The following WFDC8 variants were observed in gnomAD, a reference collection of about 807,000 sequenced individuals.
The protein encoded by WFDC8 is WAP four-disulfide core domain protein 8.
WFDC8 carries 24 observed loss-of-function variants against 27.0 expected under a neutral mutation model. The ratio of observed to expected loss-of-function variants is 0.89; its 90% CI spans 0.64 to 1.25. WFDC8 has a LOEUF of 1.25. Ranked by LOEUF, WFDC8 falls within the 50% of genes most tolerant of loss-of-function variation. The pLI is 0.00. For synonymous variants in WFDC8, 106 were observed against 99.7 expected (o/e 1.06, Z -0.38); for missense variants, 287 against 295.9 (o/e 0.97, Z 0.22).
At chr20:45,564,968 A>G (rs375816512) in intron 1 of WFDC8, among the ~76,000 whole-genome samples, 3 of 75,184 alleles carry the variant, frequency 4.0e-5, no homozygotes, top group Non-Finnish European at 1.0e-4. Flanking sequence ...AAGGAAGGAA[A>G]GAAAGACAAA....
Position 45,579,209 on chromosome 20 carries a change from ACACCCTCCT to A in WFDC8, c.26+4_26+12del. 3.7e-6 allele frequency: 6 copies of A among 1,613,268 alleles called. No individual in the cohort carries two copies. The highest frequency in any genetic ancestry group is 5.1e-6 in the Non-Finnish European group (6 of 1,179,782). On this transcript the variant is annotated splice_donor_5th_base_variant and intron_variant, in intron 1 of 5. Transcript: ENST00000289953. ...CATGTCTGGCTACCCACCCCCATAG[ACACCCTCCT>A]CACCCTCCTTCAGTTCGGACAGTCC... is the stretch of plus-strand genomic sequence containing the variant.
At position 45,551,914 on chromosome 20, in the gene WFDC8, A is replaced by G; in HGVS notation, c.*112T>C. 4.0e-6 allele frequency: 5 copies of G among 1,261,648 alleles called. No homozygotes were observed. Among genetic ancestry groups the G allele is most frequent in the Non-Finnish European group, 5.5e-6 (5 of 904,598 alleles). 78.2% of individuals were successfully genotyped at this position (1,261,648 alleles called of 1,614,324 possible). On this transcript the variant is annotated 3_prime_UTR_variant, in exon 6 of 6. Transcript: ENST00000289953. ...TATAAAATCAAAGTAACATCATTCA[A>G]TATTGTGATACTTAAGATAATTTGG...
In WFDC8 at chr20:45,573,242, A is replaced by G. The variant is rs529249088; in HGVS notation, c.26+5980T>C. Among the ~76,000 whole-genome samples, 5 of 152,242 alleles carry G rather than the reference A, an allele frequency of 3.3e-5. No individual in the cohort carries two copies. In the East Asian group the frequency reaches 7.7e-4, roughly 24 times the overall value. ...CTATGTTTTCTTCTCAGAGTTTTAT[A>G]GTTTCAGCCATTGCAGTTAGATCTT... On this transcript the variant is annotated intron_variant, in intron 1 of 5. Coordinates refer to ENST00000289953, the MANE Select transcript of WFDC8 (RefSeq NM_130896.3).
rs144470212 is a variant in WFDC8 at position 45,565,021 on chromosome 20, A to AAAGAAAGAAAGGAAGG, written c.27-2803_27-2802insCCTTCCTTTCTTTCTT. On this transcript the variant is annotated intron_variant, in intron 1 of 5. Coordinates refer to ENST00000289953, the MANE Select transcript of WFDC8 (RefSeq NM_130896.3). ...AGGAAAGGAAGAAAGAAAGAGAAAG[A>AAAGAAAGAAAGGAAGG]AAGGAAGGAAGGAAGAAGAAAGGAA... 5.6e-3 allele frequency among the ~76,000 whole-genome samples: 825 copies of AAAGAAAGAAAGGAAGG among 146,628 alleles called. 8 individuals carry two copies. The highest frequency in any genetic ancestry group is 0.019 in the African/African-American group (753 of 39,214).
rs780858429 is a variant in WFDC8 at position 45,555,745 on chromosome 20, T to C, written c.401A>G (p.Asn134Ser). The stretch of plus-strand genomic sequence containing the variant: ...TCTGCAGGCATCCTCATTTAAGAAG[T>C]TGTTGGCATTCCCTTCGCAGCCCCT... ...KYRGCEGNAN[N>S]FLNEDACRTA... Residue 134 changes from asparagine to serine, a missense_variant, in exon 4 of 6, where the codon AAC (asparagine) becomes AGC (serine). By Grantham distance (46) the Asn-to-Ser change is conservative (BLOSUM62 1). Transcript: ENST00000289953. The C allele has an allele frequency of 3.7e-6, 6 of 1,612,934 alleles. No individual in the cohort carries two copies. The East Asian group carries it at 6.7e-5, about 18-fold the overall frequency.
chr20:45,565,080 AAGAG>A (rs1320111526), intron 1 of WFDC8, among the ~76,000 whole-genome samples: 1 of 149,368 alleles, frequency 6.7e-6, no homozygotes, highest in African/African-American at 2.5e-5. Context: ...GAAAGGAAGA[AAGAG>A]AAAGAGGGAG....
intron 1 of WFDC8, among the ~76,000 whole-genome samples, chr20:45,566,802 A>G (rs1980693696): frequency 6.6e-6 from 1 of 152,238 alleles, no homozygotes; most frequent in Non-Finnish European, 1.5e-5. Context: ...AGTTTAAAAT[A>G]CAGTCACCCT....
chr20:45,573,357 A>G (rs1348005182), intron 1 of WFDC8, among the ~76,000 whole-genome samples: 1 of 152,128 alleles, frequency 6.6e-6, no homozygotes, highest in Non-Finnish European at 1.5e-5. Context: ...TTACATGAAT[A>G]GATTGTATAG....
At chr20:45,557,685 G>T (rs1266322040) in intron 3 of WFDC8, among the ~76,000 whole-genome samples, 1 of 152,164 alleles carries the variant, frequency 6.6e-6, no homozygotes, top group Non-Finnish European at 1.5e-5. Context: ...CACCCGCCTT[G>T]GCCTCCCAAA....
At chr20:45,578,160 G>A (rs1016852382) in intron 1 of WFDC8, among the ~76,000 whole-genome samples, 1 of 151,272 alleles carries the variant, frequency 6.6e-6, no homozygotes, top group African/African-American at 2.4e-5. Context: ...TCTGTCATGT[G>A]TCTTCAGACA....
At chr20:45,566,297 ATAAT>A (rs1210530991) in intron 1 of WFDC8, among the ~76,000 whole-genome samples, 7 of 152,318 alleles carry the variant, frequency 4.6e-5, no homozygotes, top group Admixed American at 2.0e-4. Context: ...CTATTGATTA[ATAAT>A]TAAATTAGAT....
chr20:45,561,503 G>T (rs563687647), intron 2 of WFDC8, among the ~76,000 whole-genome samples: 12 of 152,238 alleles, frequency 7.9e-5, no homozygotes, highest in African/African-American at 2.9e-4. Flanking sequence ...AGAATCCAGA[G>T]ATTCACTCCT....
chr20:45,551,979 G>C lies in WFDC8; in HGVS notation c.*47C>G, dbSNP rs769509033. The C allele has an allele frequency of 1.1e-5, 17 of 1,600,836 alleles. No individual in the cohort carries two copies. Among genetic ancestry groups the C allele is most frequent in the Non-Finnish European group, 2.6e-6 (3 of 1,171,786 alleles). ...GACAAAACTGACAGCTCTTTATCAT[G>C]CTACTCATAATTAATGATTTTGATG... On this transcript the variant is annotated 3_prime_UTR_variant, in exon 6 of 6. Transcript: ENST00000289953.
intron 5 of WFDC8, 41 bp from the exon 6 acceptor site, chr20:45,552,206 G>C (rs769229182): frequency 6.2e-7 from 1 of 1,603,370 alleles, no homozygotes; most frequent in South Asian, 1.1e-5. Flanking sequence ...TGAAATACTT[G>C]GTCATAATTT....
chr20:45,560,746 C>T (rs1230492849), intron 2 of WFDC8, among the ~76,000 whole-genome samples: 2 of 152,228 alleles, frequency 1.3e-5, no homozygotes. Context: ...GCCACTGAGA[C>T]TTTGAGTACT....
chr20:45,575,595 C>T (rs1331487440), intron 1 of WFDC8, among the ~76,000 whole-genome samples: 1 of 151,278 alleles, frequency 6.6e-6, no homozygotes, highest in Admixed American at 6.6e-5. Context: ...GCCCATACCA[C>T]CCAGAACCTA....
chr20:45,559,015 C>T (rs1345515797), intron 2 of WFDC8, 23 bp from the exon 3 acceptor site: 1 of 1,612,448 alleles, frequency 6.2e-7, no homozygotes, highest in African/African-American at 1.3e-5. Flanking sequence ...AATGTCCAAA[C>T]TCACATTCTT....
intron 1 of WFDC8, among the ~76,000 whole-genome samples, chr20:45,572,154 A>T (rs1980889425): frequency 6.6e-6 from 1 of 152,124 alleles, no homozygotes; most frequent in African/African-American, 2.4e-5. Flanking sequence ...TAATCCCAGC[A>T]CTTTGGGAGG....
At chr20:45,571,470 T>C (rs1372200794) in intron 1 of WFDC8, among the ~76,000 whole-genome samples, 1 of 152,230 alleles carries the variant, frequency 6.6e-6, no homozygotes. Context: ...CCTCAGATAC[T>C]TATCATTTTT....
Sources: allele counts gnomAD v4.1 joint callset (sites outside exome capture counted in the v4.1 genomes callset), GRCh38; gene constraint gnomAD v4.1.1; transcripts MANE v1.5; gene names NCBI Gene and HGNC (gene_info 2026-07-23, HGNC 2026-07-21).